Variants in TMEM232 observed in about 807,000 individuals in gnomAD.
TMEM232 encodes transmembrane protein 232.
A neutral mutation model predicts 78.8 loss-of-function variants in TMEM232; 80 were observed. The observed-to-expected ratio is 1.01, with a 90% CI of 0.85 to 1.22. The LOEUF (loss-of-function observed/expected upper bound fraction) is 1.22. Ranked by LOEUF, TMEM232 falls within the 50% of genes most tolerant of loss-of-function variation. The probability of loss-of-function intolerance (pLI) is 0.00; values close to 1 mark genes in which losing one functional copy is unlikely to be tolerated. For missense variants in TMEM232, 881 were observed against 742.2 expected (o/e 1.19, Z -2.17); for synonymous variants, 297 against 254.3 (o/e 1.17, Z -1.60).
At chr5:110,590,805 A>G (rs1267030509) in intron 10 of TMEM232, among the ~76,000 whole-genome samples, 1 of 152,198 alleles carries the variant, frequency 6.6e-6, no homozygotes, top group African/African-American at 2.4e-5. Flanking sequence ...GAAACTTATA[A>G]TCGTGGTGGA....
At chr5:110,537,681 G>A (rs375412998) in intron 11 of TMEM232, among the ~76,000 whole-genome samples, 2 of 152,304 alleles carry the variant, frequency 1.3e-5, no homozygotes, top group African/African-American at 2.4e-5. Flanking sequence ...GGAGAACATC[G>A]TATTAACTCT....
intron 12 of TMEM232, among the ~76,000 whole-genome samples, chr5:110,493,223 T>C (rs902813811): frequency 6.6e-6 from 1 of 151,842 alleles, no homozygotes; most frequent in African/African-American, 2.4e-5. Context: ...ACCATGTTCC[T>C]AGAGATGAAA....
intron 5 of TMEM232, among the ~76,000 whole-genome samples, chr5:110,634,237 C>T (rs913144861): frequency 5.3e-5 from 8 of 152,026 alleles, no homozygotes; most frequent in Admixed American, 1.3e-4. Flanking sequence ...GACTCCAATA[C>T]ATTAATAGTG....
intron 12 of TMEM232, among the ~76,000 whole-genome samples, chr5:110,525,086 A>C (rs929187440): frequency 6.6e-6 from 1 of 151,960 alleles, no homozygotes; most frequent in Non-Finnish European, 1.5e-5. Context: ...AAACTGCTTA[A>C]TAATAAAATA....
At chr5:110,610,125 G>A (rs1561380393) in intron 8 of TMEM232, among the ~76,000 whole-genome samples, 1 of 148,690 alleles carries the variant, frequency 6.7e-6, no homozygotes, top group Non-Finnish European at 1.5e-5. Flanking sequence ...AGAAATAACA[G>A]AGAAAAGTCT....
At chr5:110,432,664 C>T (rs1757989079) in intron 12 of TMEM232, among the ~76,000 whole-genome samples, 1 of 151,656 alleles carries the variant, frequency 6.6e-6, no homozygotes, top group Non-Finnish European at 1.5e-5. Flanking sequence ...CTAAATGCTC[C>T]ACTTACAAGA....
chr5:110,493,938 C>T (rs545387488), intron 12 of TMEM232, among the ~76,000 whole-genome samples: 1 of 152,166 alleles, frequency 6.6e-6, no homozygotes, highest in South Asian at 2.1e-4. Flanking sequence ...CCTAGCCCCC[C>T]ACCCACAACA....
intron 5 of TMEM232, among the ~76,000 whole-genome samples, chr5:110,633,795 T>TAA (rs1473329620): frequency 6.6e-6 from 1 of 152,176 alleles, no homozygotes; most frequent in Non-Finnish European, 1.5e-5. Context: ...GAAAATGGAC[T>TAA]AATACAAACC....
At chr5:110,545,347 G>GTA (rs1229225530) in intron 11 of TMEM232, among the ~76,000 whole-genome samples, 7 of 151,902 alleles carry the variant, frequency 4.6e-5, no homozygotes, top group Admixed American at 2.0e-4. Flanking sequence ...TTATATATAT[G>GTA]TATATAACAG....
chr5:110,522,084 G>A (rs533299900), intron 12 of TMEM232, among the ~76,000 whole-genome samples: 1 of 152,236 alleles, frequency 6.6e-6, no homozygotes, highest in African/African-American at 2.4e-5. Flanking sequence ...ATTCATTTAT[G>A]TATTCTTTAT....
intron 11 of TMEM232, among the ~76,000 whole-genome samples, chr5:110,560,780 C>A (rs879529381): frequency 6.6e-6 from 1 of 152,152 alleles, no homozygotes; most frequent in Non-Finnish European, 1.5e-5. Flanking sequence ...TCCAGCAATC[C>A]ATGCTGAGCC....
At chr5:110,610,688 A>G in intron 8 of TMEM232, 2 of 380,662 alleles carry the variant, frequency 5.3e-6, no homozygotes, top group Non-Finnish European at 1.0e-5. Flanking sequence ...AAAATTAAAC[A>G]TATAAAAACA....
chr5:110,615,917 AT>A (rs1188932419), intron 8 of TMEM232, among the ~76,000 whole-genome samples: 23 of 152,000 alleles, frequency 1.5e-4, no homozygotes, highest in African/African-American at 4.3e-4. Flanking sequence ...AATAAAAAAA[AT>A]AAAGCCTAAG....
intron 10 of TMEM232, among the ~76,000 whole-genome samples, chr5:110,583,300 A>G (rs978712432): frequency 6.6e-5 from 10 of 152,022 alleles, no homozygotes; most frequent in Non-Finnish European, 1.3e-4. Flanking sequence ...ACTGATATAT[A>G]GACTAATGGA....
At chr5:110,392,178 A>G (rs541032121) in intron 3 of TMEM232, among the ~76,000 whole-genome samples, 21 of 152,286 alleles carry the variant, frequency 1.4e-4, no homozygotes, top group African/African-American at 2.2e-4. Flanking sequence ...GTTGCTAACA[A>G]TTTTGTCAAT....
intron 1 of TMEM232, among the ~76,000 whole-genome samples, chr5:110,682,720 G>A (rs753457491): frequency 3.0e-4 from 46 of 152,168 alleles, no homozygotes; most frequent in Non-Finnish European, 5.6e-4. Context: ...TATGACCTCA[G>A]CTTTGAGATG....
Position 110,627,801 on chromosome 5 carries a change from C to G in TMEM232, c.581G>C (p.Arg194Thr), listed in dbSNP as rs1342407367. The G allele has an allele frequency of 4.6e-6, 7 of 1,524,210 alleles. No homozygotes were observed. The highest frequency in any genetic ancestry group is 6.2e-6 in the Non-Finnish European group (7 of 1,136,798). 94.4% of individuals were successfully genotyped at this position (1,524,210 alleles called of 1,614,324 possible). ...TCTACCGTATAAATATGGTTGAAGC[C>G]TAAGTAAATGTTGTTTAAAACTTTC... ...HLESFKQHLL[R>T]LQPYLYALSF... The change falls in exon 6 of 14, where the codon AGG (arginine) becomes ACG (threonine). Residue 194 changes from arginine to threonine, a missense_variant. Transcript: ENST00000455884.
At chr5:110,651,901 C>T (rs1788362950) in intron 2 of TMEM232, among the ~76,000 whole-genome samples, 1 of 152,104 alleles carries the variant, frequency 6.6e-6, no homozygotes, top group Non-Finnish European at 1.5e-5. Context: ...TATTAATGTA[C>T]CCGCCTTATA....
chr5:110,554,427 G>C (rs1241833366), intron 11 of TMEM232, among the ~76,000 whole-genome samples: 1 of 152,096 alleles, frequency 6.6e-6, no homozygotes, highest in Non-Finnish European at 1.5e-5. Flanking sequence ...GTGATCATGT[G>C]AGTTAATACT....
Sources: gnomAD v4.1 joint callset for allele counts (sites outside exome capture counted in the v4.1 genomes callset) on GRCh38, gnomAD v4.1.1 for gene constraint, MANE v1.5 for transcripts, NCBI Gene and HGNC (gene_info 2026-07-23, HGNC 2026-07-21) for gene names.